Variants in CHRM3 observed in about 807,000 individuals in gnomAD.
CHRM3 encodes muscarinic acetylcholine receptor M3.
Under a neutral mutation model 41.8 loss-of-function variants are expected in CHRM3, and 11 were observed. The ratio of observed to expected loss-of-function variants is 0.26; its 90% CI spans 0.17 to 0.44. The LOEUF (loss-of-function observed/expected upper bound fraction) is 0.44. Ranked by LOEUF, CHRM3 falls within the 20% of genes least tolerant of loss-of-function variation. CHRM3 has a pLI of 1.00. For missense variants in CHRM3, 571 were observed against 745.4 expected (o/e 0.77, Z 2.72); for synonymous variants, 297 against 301.4 (o/e 0.99, Z 0.15).
chr1:239,631,887 A>G (rs764766968), intron 3 of CHRM3, among the ~76,000 whole-genome samples: 2 of 152,248 alleles, frequency 1.3e-5, no homozygotes, highest in African/African-American at 2.4e-5. Flanking sequence ...CAAAATGAAG[A>G]GATGAGCAAC....
chr1:239,621,919 T>C (rs971752704), intron 3 of CHRM3, among the ~76,000 whole-genome samples: 1 of 152,168 alleles, frequency 6.6e-6, no homozygotes, highest in African/African-American at 2.4e-5. Flanking sequence ...TAGAGAGAAG[T>C]CAAGGCCTGG....
intron 1 of CHRM3, among the ~76,000 whole-genome samples, chr1:239,488,239 A>G (rs1321795061): frequency 6.6e-6 from 1 of 152,192 alleles, no homozygotes; most frequent in East Asian, 1.9e-4. Context: ...AAAAGTATTT[A>G]TGAAATGTAC....
chr1:239,594,918 C>T (rs1257904514), intron 3 of CHRM3, among the ~76,000 whole-genome samples: 2 of 152,164 alleles, frequency 1.3e-5, no homozygotes, highest in African/African-American at 4.8e-5. Flanking sequence ...GGAGAAACCT[C>T]ATCTCTACTA....
chr1:239,595,775 A>G (rs186143584), intron 3 of CHRM3, among the ~76,000 whole-genome samples: 18 of 152,324 alleles, frequency 1.2e-4, no homozygotes, highest in Admixed American at 6.5e-5. Context: ...TTTGGATTGT[A>G]TACCAGGGGA....
chr1:239,816,434 CATCTATATGTAAG>C lies in CHRM3; in HGVS notation c.-146-10809_-146-10797del, dbSNP rs529141974. ...CATTCCCTCACTAATCCCCACAGAG[CATCTATATGTAAG>C]ATCTATATTGCATGACACTGTTTAA... On this transcript the variant is annotated intron_variant, in intron 5 of 6. Coordinates refer to ENST00000676153, the MANE Select transcript of CHRM3 (RefSeq NM_001375978.1). Among the ~76,000 whole-genome samples, 10 of 152,218 alleles carry C rather than the reference CATCTATATGTAAG, an allele frequency of 6.6e-5. No homozygotes were observed. The South Asian group carries it at 2.1e-3, about 32-fold the overall frequency.
intron 1 of CHRM3, among the ~76,000 whole-genome samples, chr1:239,482,544 C>T (rs1470663593): frequency 2.0e-5 from 3 of 152,154 alleles, no homozygotes; most frequent in East Asian, 1.9e-4. Context: ...TGTCAGTTCA[C>T]GGGCCTAACC....
At position 239,662,893 on chromosome 1, in the gene CHRM3, C is replaced by CTCCTCTTCTTCTTCTTCTTCTTCT. The variant is rs377732277; in HGVS notation, c.-249-15291_-249-15290insCTCTTCTTCTTCTTCTTCTTCTTC. 1.7e-3 allele frequency among the ~76,000 whole-genome samples: 80 copies of CTCCTCTTCTTCTTCTTCTTCTTCT among 46,364 alleles called. 2 individuals are homozygous for CTCCTCTTCTTCTTCTTCTTCTTCT. The highest frequency in any genetic ancestry group is 4.7e-3 in the Admixed American group (18 of 3,824). The allele number at this position is 46,364 out of a possible 152,430, so 30.4% of individuals were successfully genotyped here. A position where few individuals can be genotyped will look rare whatever the true frequency, so the allele number is the denominator to read the frequency against. On this transcript the variant is annotated intron_variant, in intron 4 of 6. Coordinates refer to ENST00000676153, the MANE Select transcript of CHRM3 (RefSeq NM_001375978.1). ...TCTCCTCTTTCTCCTCTTCCTCCTC[C>CTCCTCTTCTTCTTCTTCTTCTTCT]TCTTCTTCTTCTTCTTCTTCTTCTT...
chr1:239,529,672 A>G (rs1670252093), intron 2 of CHRM3, among the ~76,000 whole-genome samples: 1 of 151,464 alleles, frequency 6.6e-6, no homozygotes. Flanking sequence ...AGCCTTGTTA[A>G]TTATCTGTTA....
intron 3 of CHRM3, among the ~76,000 whole-genome samples, chr1:239,601,946 C>G (rs1366969094): frequency 6.6e-6 from 1 of 151,582 alleles, no homozygotes; most frequent in Non-Finnish European, 1.5e-5. Flanking sequence ...TATAAGTGCC[C>G]ATAATGTCAA....
chr1:239,793,276 C>T (rs546994402), intron 5 of CHRM3, among the ~76,000 whole-genome samples: 6 of 152,262 alleles, frequency 3.9e-5, no homozygotes, highest in African/African-American at 7.2e-5. Flanking sequence ...CCAAGAGTGA[C>T]AATTTAGTGT....
At chr1:239,847,726 A>G (rs1674384043) in intron 6 of CHRM3, among the ~76,000 whole-genome samples, 1 of 151,926 alleles carries the variant, frequency 6.6e-6, no homozygotes. Flanking sequence ...ATACACACAC[A>G]CACATATACA....
At chr1:239,817,714 G>T (rs1262034349) in intron 5 of CHRM3, among the ~76,000 whole-genome samples, 1 of 151,588 alleles carries the variant, frequency 6.6e-6, no homozygotes, top group Non-Finnish European at 1.5e-5. Context: ...ACACACACTC[G>T]CACAGATCTC....
chr1:239,840,316 T>C lies in CHRM3; in HGVS notation c.-20+12938T>C, dbSNP rs113116819. Among the ~76,000 whole-genome samples the C allele has an allele frequency of 3.9e-5, 6 of 152,322 alleles. 1 individual carries two copies. The highest frequency in any genetic ancestry group is 1.4e-4 in the African/African-American group (6 of 41,572). ...AGAGCGTTAACCCCATTAACCTGAT[T>C]TCTATGCCCCATAACTCATTTAAAA... On this transcript the variant is annotated intron_variant, in intron 6 of 6. Coordinates refer to ENST00000676153, the MANE Select transcript of CHRM3 (RefSeq NM_001375978.1).
intron 4 of CHRM3, among the ~76,000 whole-genome samples, chr1:239,672,635 G>A (rs1674497444): frequency 6.8e-6 from 1 of 146,704 alleles, no homozygotes; most frequent in Non-Finnish European, 1.5e-5. Flanking sequence ...CACACAGAAA[G>A]GGGTAGGGGA....
intron 5 of CHRM3, among the ~76,000 whole-genome samples, chr1:239,792,518 A>C (rs1269467099): frequency 6.6e-6 from 1 of 152,244 alleles, no homozygotes; most frequent in East Asian, 1.9e-4. Flanking sequence ...GCAACTTTCA[A>C]TATGAACATG....
chr1:239,523,279 A>G (rs1327449097), intron 2 of CHRM3, among the ~76,000 whole-genome samples: 3 of 152,152 alleles, frequency 2.0e-5, no homozygotes, highest in Non-Finnish European at 2.9e-5. Context: ...CAAGTTAGAA[A>G]TTACCATTCT....
At chr1:239,665,804 T>A (rs1462220241) in intron 4 of CHRM3, among the ~76,000 whole-genome samples, 2 of 152,112 alleles carry the variant, frequency 1.3e-5, no homozygotes, top group Non-Finnish European at 2.9e-5. Context: ...TGCTGAGAAT[T>A]ATGGTTTCCA....
At chr1:239,695,276 C>T (rs1660081948) in intron 5 of CHRM3, among the ~76,000 whole-genome samples, 1 of 152,150 alleles carries the variant, frequency 6.6e-6, no homozygotes, top group Non-Finnish European at 1.5e-5. Context: ...TCCCAAAGTG[C>T]TGGGATTACA....
intron 2 of CHRM3, among the ~76,000 whole-genome samples, chr1:239,510,832 G>A (rs191455782): frequency 4.6e-5 from 7 of 152,062 alleles, no homozygotes; most frequent in South Asian, 4.2e-4. Context: ...CACCGCGGCC[G>A]GCCCAGATTC....
Sources: gnomAD v4.1 joint callset for allele counts (sites outside exome capture counted in the v4.1 genomes callset) on GRCh38, gnomAD v4.1.1 for gene constraint, MANE v1.5 for transcripts, NCBI Gene and HGNC (gene_info 2026-07-23, HGNC 2026-07-21) for gene names.